The following SHISAL1 variants were observed in gnomAD, a reference collection of about 807,000 sequenced individuals.
SHISAL1 encodes the protein protein shisa-like-1.
In SHISAL1, 9 loss-of-function variants were observed where a neutral mutation model predicts 22.6. The ratio of observed to expected loss-of-function variants is 0.40; its 90% CI spans 0.24 to 0.70. SHISAL1 has a LOEUF of 0.70. SHISAL1 is among the 30% of genes least tolerant of loss of function. The probability of loss-of-function intolerance (pLI) is 0.39; values close to 1 mark genes in which losing one functional copy is unlikely to be tolerated. For synonymous variants in SHISAL1, 119 were observed against 115.4 expected, an observed-to-expected ratio of 1.03 and a Z score of -0.20; for missense variants, 246 against 270.6, an observed-to-expected ratio of 0.91 and a Z score of 0.64.
At chr22:44,260,323 G>A (rs9626140) in intron 4 of SHISAL1, among the ~76,000 whole-genome samples, 6 of 152,188 alleles carry the variant, frequency 3.9e-5, no homozygotes, top group South Asian at 2.1e-4. Context: ...GTTCGGTTAC[G>A]GCCTGATTTG....
In SHISAL1 at chr22:44,285,347, T is replaced by C. The variant is rs1030748745; in HGVS notation, c.599+81A>G. 83 of 1,439,020 alleles carry C rather than the reference T, an allele frequency of 5.8e-5. No individual in the cohort carries two copies. The African/African-American group carries it at 1.1e-3, about 19-fold the overall frequency. The allele number at this position is 1,439,020 out of a possible 1,614,324, so 89.1% of individuals were successfully genotyped here. ...CAGGCAACCAATGAGCCAAACACTA[T>C]GGCGAGAGTGATGGCGTATTCTCCA... On this transcript the variant is annotated intron_variant, in intron 4 of 4. Transcript: ENST00000381176.
the SHISAL1 span, among the ~76,000 whole-genome samples, chr22:44,320,697 C>T: frequency 1.3e-3 from 198 of 152,328 alleles, 1 homozygote; most frequent in African/African-American, 4.6e-3. Flanking sequence ...CAGCTCCAGC[C>T]GATGTCCAGG....
chr22:44,250,368 T>C lies in SHISAL1; in HGVS notation c.*-683A>G, dbSNP rs139636184. Among the ~76,000 whole-genome samples, 53 of 152,286 alleles carry C rather than the reference T, an allele frequency of 3.5e-4. 1 individual carries two copies. The highest frequency in any genetic ancestry group is 1.1e-3 in the African/African-American group (47 of 41,544). ...TATAAAGAAGAGACCAAGGTGCTCC[T>C]GGAATAGGGAAAAGCCAGGAGACCA... On this transcript the variant is annotated intron_variant, in intron 4 of 4. Coordinates refer to ENST00000381176, the MANE Select transcript of SHISAL1 (RefSeq NM_001099294.2).
intron 4 of SHISAL1, among the ~76,000 whole-genome samples, chr22:44,280,176 TG>T (rs1238413809): frequency 6.6e-6 from 1 of 152,054 alleles, no homozygotes; most frequent in African/African-American, 2.4e-5. Flanking sequence ...GGAAGAGAAC[TG>T]AGTCAAAAGC....
chr22:44,246,123 CAGGGCACGTTCAGAGGCTAACTTG>C lies in SHISAL1; in HGVS notation c.*3538_*3561del, dbSNP rs2054998771. The C allele has an allele frequency of 6.6e-6, 1 of 152,238 alleles. No individual in the cohort carries two copies. Among genetic ancestry groups the C allele is most frequent in the Admixed American group, 6.5e-5 (1 of 15,278 alleles). The allele number at this position is 152,238 out of a possible 1,614,324, so 9.4% of individuals were successfully genotyped here. A position where few individuals can be genotyped will look rare whatever the true frequency, so the allele number is the denominator to read the frequency against. On this transcript the variant is annotated 3_prime_UTR_variant, in exon 5 of 5. Coordinates refer to ENST00000381176, the MANE Select transcript of SHISAL1 (RefSeq NM_001099294.2). ...GGTGAGAAGGCTGCTTCTCTAGGTG[CAGGGCACGTTCAGAGGCTAACTTG>C]AGGGCAGCGAGCCAGCAGGCATTAC... is the stretch of plus-strand genomic sequence containing the variant.
At chr22:44,251,150 A>T (rs1024178787) in intron 4 of SHISAL1, among the ~76,000 whole-genome samples, 4 of 152,162 alleles carry the variant, frequency 2.6e-5, no homozygotes, top group African/African-American at 9.7e-5. Context: ...GTCTTCCCCA[A>T]ATAGAAAGTT....
At position 44,296,771 on chromosome 22, in the gene SHISAL1, T is replaced by TCTTCATACA; in HGVS notation, c.181_182insTGTATGAAG (p.His61delinsLeuTyrGluAsp). On this transcript the variant is annotated protein_altering_variant, in exon 3 of 5. Transcript: ENST00000381176. ...GTATTTGAAGACCGTGTTGTTATGG[T>TCTTCATACA]GACAACAGAGGATGAAGGTCTTGTT... 1 of 1,614,068 alleles carries TCTTCATACA rather than the reference T, an allele frequency of 6.2e-7. No individual in the cohort carries two copies. The highest frequency in any genetic ancestry group is 8.5e-7 in the Non-Finnish European group (1 of 1,180,022).
At chr22:44,329,033 G>C in the SHISAL1 span, among the ~76,000 whole-genome samples, 4 of 152,272 alleles carry the variant, frequency 2.6e-5, no homozygotes, top group South Asian at 8.3e-4. Context: ...ACCTCTCCCA[G>C]GCTCCAAAGG....
rs1467144188 is a variant in SHISAL1 at position 44,246,322 on chromosome 22, A to G, written c.*3363T>C. The G allele has an allele frequency of 6.6e-6, 1 of 152,220 alleles. No individual in the cohort carries two copies. Among genetic ancestry groups the G allele is most frequent in the Non-Finnish European group, 1.5e-5 (1 of 68,054 alleles). The allele number at this position is 152,220 out of a possible 1,614,324, so 9.4% of individuals were successfully genotyped here. On this transcript the variant is annotated 3_prime_UTR_variant, in exon 5 of 5. Coordinates refer to ENST00000381176, the MANE Select transcript of SHISAL1 (RefSeq NM_001099294.2). ...CGCGGTAGTTCTGCAAACAGCCTCGAATGCAGATTCCTCTGTGGACATCTT... is the reference window on the plus strand; with the variant it reads ...CGCGGTAGTTCTGCAAACAGCCTCGGATGCAGATTCCTCTGTGGACATCTT...
rs755603740 is a variant in SHISAL1, at chr22:44,295,341, G to A, written c.281+1331C>T. 9.4e-4 allele frequency among the ~76,000 whole-genome samples: 143 copies of A among 151,946 alleles called. 1 individual carries two copies. The highest frequency in any genetic ancestry group is 1.4e-3 in the Non-Finnish European group (97 of 67,926). ...TAACCAGCTACCCATTTTGAAAAAA[G>A]AATAATAAAGTTTAATGCCAACTTT... On this transcript the variant is annotated intron_variant, in intron 3 of 4. Coordinates refer to ENST00000381176, the MANE Select transcript of SHISAL1 (RefSeq NM_001099294.2).
intron 1 of SHISAL1, among the ~76,000 whole-genome samples, chr22:44,312,199 G>A (rs896175053): frequency 1.3e-5 from 2 of 152,166 alleles, no homozygotes; most frequent in African/African-American, 4.8e-5. Context: ...GCATTCATTT[G>A]TTCGTTCATT....
At chr22:44,269,566 C>A (rs1265978103) in intron 4 of SHISAL1, among the ~76,000 whole-genome samples, 2 of 147,624 alleles carry the variant, frequency 1.4e-5, no homozygotes, top group Admixed American at 1.4e-4. Flanking sequence ...ACTACACACA[C>A]TACACCATGC....
chr22:44,302,464 G>T (rs1473290438), intron 1 of SHISAL1, among the ~76,000 whole-genome samples: 1 of 152,238 alleles, frequency 6.6e-6, no homozygotes, highest in Non-Finnish European at 1.5e-5. Context: ...GGCGTGTCTG[G>T]GGAGTGGTGC....
At chr22:44,269,625 TAC>T (rs1457914947) in intron 4 of SHISAL1, among the ~76,000 whole-genome samples, 4 of 145,418 alleles carry the variant, frequency 2.8e-5, no homozygotes, top group African/African-American at 1.1e-4. Flanking sequence ...CCACACAATA[TAC>T]ACACACATGC....
chr22:44,285,894 C>T, intron 3 of SHISAL1, 149 bp from the exon 4 acceptor site: 1 of 674,220 alleles, frequency 1.5e-6, no homozygotes. Context: ...AGGGCGGGGC[C>T]TTGGCTCCCT....
At chr22:44,313,857 T>A (rs1447893628), upstream of SHISAL1, among the ~76,000 whole-genome samples, 1 of 152,112 alleles carries the variant, frequency 6.6e-6, no homozygotes, top group Non-Finnish European at 1.5e-5. Context: ...ATAAACCTCC[T>A]TTTTCCATTC....
At chr22:44,302,985 G>A (rs927488143) in intron 1 of SHISAL1, among the ~76,000 whole-genome samples, 12 of 152,144 alleles carry the variant, frequency 7.9e-5, no homozygotes, top group South Asian at 2.1e-4. Flanking sequence ...ACTAGAGACA[G>A]GGCTTTGGGC....
intron 2 of SHISAL1, among the ~76,000 whole-genome samples, chr22:44,297,405 G>A (rs990213461): frequency 5.3e-5 from 8 of 152,248 alleles, no homozygotes; most frequent in African/African-American, 1.9e-4. Context: ...GTGGGCAGTG[G>A]TGGACCTGCT....
intron 4 of SHISAL1, among the ~76,000 whole-genome samples, chr22:44,251,217 C>T (rs1400165924): frequency 6.6e-6 from 1 of 152,154 alleles, no homozygotes; most frequent in African/African-American, 2.4e-5. Context: ...TTGCCAGGGC[C>T]TAGAACAGTA....
Sources: gnomAD v4.1 joint callset for allele counts (sites outside exome capture counted in the v4.1 genomes callset) on GRCh38, gnomAD v4.1.1 for gene constraint, MANE v1.5 for transcripts, NCBI Gene and HGNC (gene_info 2026-07-23, HGNC 2026-07-21) for gene names.